Variants in KAZALD1 observed in about 807,000 individuals in gnomAD.
KAZALD1 encodes kazal-type serine protease inhibitor domain-containing protein 1.
KAZALD1 carries 31 observed loss-of-function variants against 27.7 expected under a neutral mutation model. That is an observed-to-expected ratio of 1.12 (90% CI 0.84 to 1.51). The LOEUF (loss-of-function observed/expected upper bound fraction) is 1.51. Ranked by LOEUF, KAZALD1 falls within the 40% of genes most tolerant of loss-of-function variation. The probability of loss-of-function intolerance (pLI) is 0.00; values close to 1 mark genes in which losing one functional copy is unlikely to be tolerated. For missense variants in KAZALD1, 444 were observed against 408.9 expected, an observed-to-expected ratio of 1.09 and a Z score of -0.74; for synonymous variants, 179 against 182.0, an observed-to-expected ratio of 0.98 and a Z score of 0.13.
rs1939334683 is a variant in KAZALD1 at position 101,066,740 on chromosome 10, C to T, written c.*1820C>T. The stretch of plus-strand genomic sequence containing the variant: ...GCGTCCACCTGCAGAGCAGAGGCTC[C>T]TCACCAAAAGCCCCACCCCACCGGA... On this transcript the variant is annotated 3_prime_UTR_variant, in exon 5 of 5. Coordinates refer to ENST00000370200, the MANE Select transcript of KAZALD1 (RefSeq NM_030929.5). 1 of 346,476 alleles carries T rather than the reference C, an allele frequency of 2.9e-6. No homozygotes were observed. The highest frequency in any genetic ancestry group is 5.7e-6 in the Non-Finnish European group (1 of 175,224). The allele number at this position is 346,476 out of a possible 1,614,324, so 21.5% of individuals were successfully genotyped here.
rs370760802 is a variant in KAZALD1 at position 101,064,582 on chromosome 10, C to T, written c.754C>T (p.Arg252Cys). 115 of 1,613,966 alleles carry T rather than the reference C, an allele frequency of 7.1e-5. No individual in the cohort carries two copies. In the East Asian group the frequency reaches 8.7e-4, roughly 12 times the overall value. The change falls in exon 4 of 5, where the codon CGC (arginine) becomes TGC (cysteine). Residue 252 changes from arginine to cysteine, a missense_variant. Coordinates refer to ENST00000370200, the MANE Select transcript of KAZALD1 (RefSeq NM_030929.5). ...AVRPSDEGTY[R>C]CLGRNALGQV... ...GCGTCCCAGTGATGAGGGCACTTACCGCTGCCTTGGCCGCAATGCCCTGGG... is the reference window on the plus strand; with the variant it reads ...GCGTCCCAGTGATGAGGGCACTTACTGCTGCCTTGGCCGCAATGCCCTGGG...
chr10:101,066,762 C>T lies in KAZALD1; in HGVS notation c.*1842C>T, dbSNP rs1939335194. ...CTCCTCACCAAAAGCCCCACCCCACCGGAGAGGGTCACGCAGGTCCCGGGG... is the reference window on the plus strand; with the variant it reads ...CTCCTCACCAAAAGCCCCACCCCACTGGAGAGGGTCACGCAGGTCCCGGGG... On this transcript the variant is annotated 3_prime_UTR_variant, in exon 5 of 5. Transcript: ENST00000370200. The T allele has an allele frequency of 2.9e-6, 1 of 342,806 alleles. No homozygotes were observed. Among genetic ancestry groups the T allele is most frequent in the South Asian group, 2.3e-5 (1 of 44,350 alleles). 21.2% of individuals were successfully genotyped at this position (342,806 alleles called of 1,614,324 possible). A position where few individuals can be genotyped will look rare whatever the true frequency, so the allele number is the denominator to read the frequency against.
Position 101,065,573 on chromosome 10 carries a change from G to A in KAZALD1, c.*653G>A, listed in dbSNP as rs1474913200. On this transcript the variant is annotated 3_prime_UTR_variant, in exon 5 of 5. Coordinates refer to ENST00000370200, the MANE Select transcript of KAZALD1 (RefSeq NM_030929.5). ...TAGCACAGGGCTAGGCACCAATAAA[G>A]ATTTCTAATGATGCACAGACAGTTT... 2.0e-5 allele frequency: 3 copies of A among 151,808 alleles called. No individual in the cohort carries two copies. The highest frequency in any genetic ancestry group is 4.4e-5 in the Non-Finnish European group (3 of 68,630). The allele number at this position is 151,808 out of a possible 1,614,324, so 9.4% of individuals were successfully genotyped here. A position where few individuals can be genotyped will look rare whatever the true frequency, so the allele number is the denominator to read the frequency against.
rs770667289 is a variant in KAZALD1 at position 101,063,071 on chromosome 10, T to G, written c.479T>G (p.Leu160Arg). ...GCCCGCGCTCGGCCCGATGCCAACC[T>G]CACTGTGGCACACCCGGGGCCCTGC... is the stretch of plus-strand genomic sequence containing the variant. ...EAARARPDAN[L>R]TVAHPGPCES... is the part of the protein sequence containing the mutation. The change falls in exon 2 of 5, where the codon CTC becomes CGC. Residue 160 changes from leucine (L) to arginine (R), a missense_variant. Coordinates refer to ENST00000370200, the MANE Select transcript of KAZALD1 (RefSeq NM_030929.5). 1.9e-6 allele frequency: 3 copies of G among 1,572,660 alleles called. No individual in the cohort carries two copies. In the East Asian group the frequency reaches 6.8e-5, roughly 36 times the overall value.
rs1939306717 is a variant in KAZALD1 at position 101,065,854 on chromosome 10, A to G, written c.*934A>G. ...CTGCTTCTTTGCTCATCTTATTCCA[A>G]ACCCTTCCCCAGGCCAGAATGGGGA... is the stretch of plus-strand genomic sequence containing the variant. On this transcript the variant is annotated 3_prime_UTR_variant, in exon 5 of 5. Coordinates refer to ENST00000370200, the MANE Select transcript of KAZALD1 (RefSeq NM_030929.5). Among the ~76,000 whole-genome samples, 1 of 152,164 alleles carries G rather than the reference A, an allele frequency of 6.6e-6. No homozygotes were observed.
At chr10:101,063,203 A>C in intron 2 of KAZALD1, 100 bp downstream of exon 2, 1 of 1,109,332 alleles carries the variant, frequency 9.0e-7, no homozygotes, top group Non-Finnish European at 1.2e-6. Context: ...AGAGCAAAAA[A>C]GATAAGGCTA....
rs1046480929 is a variant in KAZALD1 at position 101,065,325 on chromosome 10, C to T, written c.*405C>T. The T allele has an allele frequency of 1.1e-5, 2 of 183,836 alleles. No individual in the cohort carries two copies. Among genetic ancestry groups the T allele is most frequent in the South Asian group, 2.3e-4 (2 of 8,818 alleles). The allele number at this position is 183,836 out of a possible 1,614,324, so 11.4% of individuals were successfully genotyped here. On this transcript the variant is annotated 3_prime_UTR_variant, in exon 5 of 5. Transcript: ENST00000370200. ...CCCAGGCCCTGGTTCTTGCTATTTC[C>T]TGGTCCCCAACGTTTATCTAGCTTG... is the stretch of plus-strand genomic sequence containing the variant.
At position 101,066,082 on chromosome 10, in the gene KAZALD1, T is replaced by G. The variant is rs935956725; in HGVS notation, c.*1162T>G. ...CTCTCTGGCTTGGGGTCCCCAAATCTCTTTCCTCATTCTCCTTACCTATCC... is the reference window on the plus strand; with the variant it reads ...CTCTCTGGCTTGGGGTCCCCAAATCGCTTTCCTCATTCTCCTTACCTATCC... On this transcript the variant is annotated 3_prime_UTR_variant, in exon 5 of 5. Transcript: ENST00000370200. Among the ~76,000 whole-genome samples, 1 of 152,244 alleles carries G rather than the reference T, an allele frequency of 6.6e-6. No homozygotes were observed. The highest frequency in any genetic ancestry group is 2.4e-5 in the African/African-American group (1 of 41,466).
At chr10:101,063,437 C>T (rs181308792) in intron 2 of KAZALD1, among the ~76,000 whole-genome samples, 1 of 152,332 alleles carries the variant, frequency 6.6e-6, no homozygotes, top group Admixed American at 6.5e-5. Context: ...ACCCCCCCGA[C>T]TTTTCCCAGA....
chr10:101,064,396 G>A lies in KAZALD1; in HGVS notation c.647G>A (p.Gly216Glu), dbSNP rs1462817345. 2 of 1,614,084 alleles carry A rather than the reference G, an allele frequency of 1.2e-6. No homozygotes were observed. Among genetic ancestry groups the A allele is most frequent in the Non-Finnish European group, 1.7e-6 (2 of 1,180,048 alleles). ...GATGGCTTGGACATCCAGCTGCCAG[G>A]GGATGACCCCCACATCTCTGTGCAG... ...RKDGLDIQLP[G>E]DDPHISVQFR... The change falls in exon 3 of 5, where the codon GGG (glycine) becomes GAG (glutamate). Residue 216 changes from glycine to glutamate, a missense_variant. Gly to Glu is a moderately conservative substitution (Grantham distance 98). Transcript: ENST00000370200.
chr10:101,067,089 G>A (rs537072932), downstream of KAZALD1: 1 of 350,476 alleles, frequency 2.9e-6, no homozygotes, highest in African/African-American at 2.1e-5. Flanking sequence ...ATGAGAGCGC[G>A]GGCGGCGTTT....
At position 101,065,886 on chromosome 10, in the gene KAZALD1, C is replaced by T. The variant is rs1287708199; in HGVS notation, c.*966C>T. On this transcript the variant is annotated 3_prime_UTR_variant, in exon 5 of 5. Transcript: ENST00000370200. ...CCCCAGGCCAGAATGGGGAACAGGG[C>T]TATGTGGGTTGGCCCCCAAAATGAA... Among the ~76,000 whole-genome samples, 2 of 152,222 alleles carry T rather than the reference C, an allele frequency of 1.3e-5. No individual in the cohort carries two copies. Among genetic ancestry groups the T allele is most frequent in the African/African-American group, 2.4e-5 (1 of 41,458 alleles).
chr10:101,067,937 C>G (rs771421023), downstream of KAZALD1: 2 of 471,528 alleles, frequency 4.2e-6, no homozygotes, highest in East Asian at 6.9e-5. Context: ...CGGGGAAGCG[C>G]CTGGGGAACA....
Position 101,062,849 on chromosome 10 carries a change from AG to A in KAZALD1, c.260del (p.Gly87AlafsTer30). Reference protein sequence around the residue: ...CGCCWECANLEGQLCDLDPSA... With the variant: ...CGCCWECANLXGQLCDLDPSA... The stretch of plus-strand genomic sequence containing the variant: ...TGCTGCTGGGAATGCGCCAACCTCG[AG>A]GGCCAGCTCTGCGACCTGGACCCCA... On this transcript the variant is annotated frameshift_variant, in exon 2 of 5. Coordinates refer to ENST00000370200, the MANE Select transcript of KAZALD1 (RefSeq NM_030929.5). LOFTEE classifies it high-confidence loss of function. 1.3e-6 allele frequency: 2 copies of A among 1,595,332 alleles called. No individual in the cohort carries two copies. Among genetic ancestry groups the A allele is most frequent in the South Asian group, 2.2e-5 (2 of 90,434 alleles).
rs1342896588 is a variant in KAZALD1, at chr10:101,064,255, C to T, written c.512-6C>T. On this transcript the variant is annotated splice_region_variant and splice_polypyrimidine_tract_variant and intron_variant, in intron 2 of 4. Transcript: ENST00000370200. ...CTATTCTCAGACCTCCCGCCTTCAC[C>T]CCCAGGGCCCCAGATCGTGTCACAT... 2 of 1,613,976 alleles carry T rather than the reference C, an allele frequency of 1.2e-6. No homozygotes were observed. Among genetic ancestry groups the T allele is most frequent in the Non-Finnish European group, 8.5e-7 (1 of 1,179,986 alleles).
chr10:101,066,485 C>T lies in KAZALD1; in HGVS notation c.*1565C>T, dbSNP rs1256852335. 2.2e-6 allele frequency: 1 copy of T among 456,658 alleles called. No individual in the cohort carries two copies. Among genetic ancestry groups the T allele is most frequent in the African/African-American group, 2.0e-5 (1 of 50,214 alleles). The allele number at this position is 456,658 out of a possible 1,614,324, so 28.3% of individuals were successfully genotyped here. Reference sequence around the variant, plus strand: ...GGGCGGCCCTAGGAGCCGCGCACAACAGCGCAAGCGGGCTGGATACCGGGA... The same window carrying T: ...GGGCGGCCCTAGGAGCCGCGCACAATAGCGCAAGCGGGCTGGATACCGGGA... On this transcript the variant is annotated 3_prime_UTR_variant, in exon 5 of 5. Coordinates refer to ENST00000370200, the MANE Select transcript of KAZALD1 (RefSeq NM_030929.5).
downstream of KAZALD1, chr10:101,067,937 C>T (rs771421023): frequency 7.4e-5 from 35 of 471,528 alleles, no homozygotes; most frequent in African/African-American, 6.4e-4. Context: ...CGGGGAAGCG[C>T]CTGGGGAACA....
Position 101,064,847 on chromosome 10 carries a change from TC to T in KAZALD1, c.847del (p.Gln283SerfsTer5), listed in dbSNP as rs767513445. On this transcript the variant is annotated frameshift_variant, in exon 5 of 5. Transcript: ENST00000370200. LOFTEE classifies it high-confidence loss of function. The stretch of plus-strand genomic sequence containing the variant: ...GCAGACCAGCTGAACTCTACAGGCA[TC>T]CCCCAGCTGCGATCACTAAACCTGG... ...LTPDQLNSTGIPQLRSLNLVP... is the reference protein window; with the variant it reads ...LTPDQLNSTGXPQLRSLNLVP... 2.4e-5 allele frequency: 39 copies of T among 1,613,916 alleles called. No homozygotes were observed. In the East Asian group the frequency reaches 2.5e-4, roughly 10 times the overall value.
rs1276740334 is a variant in KAZALD1, at chr10:101,064,388, G to T, written c.639G>T (p.Gln213His). The T allele has an allele frequency of 1.9e-6, 3 of 1,614,078 alleles. No homozygotes were observed. In the African/African-American group the frequency reaches 4.0e-5, roughly 22 times the overall value. Residue 213 changes from glutamine to histidine, a missense_variant, in exon 3 of 5, where the codon CAG becomes CAT. By Grantham distance (24) the Gln-to-His change is conservative. Coordinates refer to ENST00000370200, the MANE Select transcript of KAZALD1 (RefSeq NM_030929.5). The part of the protein sequence containing the change: ...IEWRKDGLDI[Q>H]LPGDDPHISV... Reference sequence around the variant, plus strand: ...GGAGGAAGGATGGCTTGGACATCCAGCTGCCAGGGGATGACCCCCACATCT... The same window carrying T: ...GGAGGAAGGATGGCTTGGACATCCATCTGCCAGGGGATGACCCCCACATCT...
Sources: gnomAD v4.1 joint callset for allele counts (sites outside exome capture counted in the v4.1 genomes callset) on GRCh38, gnomAD v4.1.1 for gene constraint, MANE v1.5 for transcripts, NCBI Gene and HGNC (gene_info 2026-07-23, HGNC 2026-07-21) for gene names.